The following INTS7 variants were observed in gnomAD, a reference collection of about 807,000 sequenced individuals.
INTS7 encodes the protein chromosome 1 open reading frame 73.
Under a neutral mutation model 109.2 loss-of-function variants are expected in INTS7, and 46 were observed. That is an observed-to-expected ratio of 0.42 (90% CI 0.33 to 0.54). INTS7 has a LOEUF of 0.54. INTS7 is among the 20% of genes least tolerant of loss of function. The pLI, the probability that INTS7 is intolerant of heterozygous loss-of-function variation, is 0.07. For synonymous variants in INTS7, 412 were observed against 402.9 expected, an observed-to-expected ratio of 1.02 and a Z score of -0.27; for missense variants, 929 against 1,132.4, an observed-to-expected ratio of 0.82 and a Z score of 2.58.
intron 9 of INTS7, 27 bp downstream of exon 9, chr1:211,982,649 C>A (rs775780226): frequency 2.0e-6 from 3 of 1,530,940 alleles, no homozygotes; most frequent in Non-Finnish European, 2.6e-6. Context: ...AAAGTTTATA[C>A]GTAATATCAG....
intron 7 of INTS7, among the ~76,000 whole-genome samples, chr1:212,001,327 A>G (rs1665662671): frequency 6.6e-6 from 1 of 152,160 alleles, no homozygotes; most frequent in Non-Finnish European, 1.5e-5. Context: ...CTGGGATTAC[A>G]GGCATGAGCC....
chr1:212,006,513 C>T (rs1571898277), intron 7 of INTS7, 126 bp downstream of exon 7: 1 of 399,848 alleles, frequency 2.5e-6, no homozygotes, highest in Non-Finnish European at 4.4e-6. Context: ...ATCAACAATG[C>T]TTTTAGAAGT....
In INTS7 at chr1:211,959,502, G is replaced by A. The variant is rs753858184; in HGVS notation, c.2184-6801C>T. Among the ~76,000 whole-genome samples the A allele has an allele frequency of 7.9e-5, 12 of 152,084 alleles. No individual in the cohort carries two copies. The highest frequency in any genetic ancestry group is 1.7e-4 in the African/African-American group (7 of 41,404). On this transcript the variant is annotated intron_variant, in intron 16 of 19. Transcript: ENST00000366994. The surrounding 1 kb of genome is among the most constrained non-coding windows in gnomAD (Gnocchi z 4.2). ...GGGCCGGCTCACCTGCTCCCTCCCC[G>A]TACTGGCAGCTTTCCCTGGGCCCAT...
At chr1:211,967,805 A>T (rs958345765) in intron 15 of INTS7, 73 bp downstream of exon 15, 5 of 749,354 alleles carry the variant, frequency 6.7e-6, no homozygotes, top group Non-Finnish European at 1.1e-5. Context: ...GTAGGTAAGC[A>T]TATCTGAGGT....
At chr1:212,035,139 G>C (rs1366598856) in intron 1 of INTS7, among the ~76,000 whole-genome samples, 1 of 152,170 alleles carries the variant, frequency 6.6e-6, no homozygotes, top group Non-Finnish European at 1.5e-5. Flanking sequence ...TTGTTTAGCC[G>C]GTATAAGGCC....
At chr1:211,945,028 A>C in intron 18 of INTS7, 59 bp from the exon 19 acceptor site, 1 of 1,527,132 alleles carries the variant, frequency 6.5e-7, no homozygotes, top group South Asian at 1.2e-5. Context: ...CTTCCGACAA[A>C]CATGTCTGTG....
chr1:211,963,332 T>C (rs997592687), intron 16 of INTS7, among the ~76,000 whole-genome samples: 4 of 151,866 alleles, frequency 2.6e-5, no homozygotes, highest in Non-Finnish European at 5.9e-5. Context: ...AGCTCTGAAA[T>C]TGAATCAGTA....
chr1:211,985,526 G>T (rs1382436357), intron 8 of INTS7, among the ~76,000 whole-genome samples: 11 of 151,906 alleles, frequency 7.2e-5, no homozygotes, highest in Admixed American at 3.9e-4. Context: ...TCAATAAAAG[G>T]ACAAATACCT....
chr1:212,006,656 T>C lies in INTS7; in HGVS notation c.862A>G (p.Ser288Gly). 1 of 1,560,310 alleles carries C rather than the reference T, an allele frequency of 6.4e-7. No individual in the cohort carries two copies. The highest frequency in any genetic ancestry group is 8.8e-7 in the Non-Finnish European group (1 of 1,134,868). ...LLANKTPHTW[S>G]RENIQALCEC... ...CTACATACCTGAATATTCTCCCTAC[T>C]CCAAGTATGTGGTGTTTTATTAGCA... The change falls in exon 7 of 20, where the codon AGT becomes GGT. Residue 288 changes from serine (S) to glycine (G), a missense_variant. Transcript: ENST00000366994.
At chr1:211,985,930 C>A (rs3010003) in intron 8 of INTS7, among the ~76,000 whole-genome samples, 83,053 of 152,072 alleles carry the variant, frequency 0.55, 22,987 homozygotes, top group Middle Eastern at 0.59. Context: ...AAAAAGAATA[C>A]ATTGAAAGCA....
intron 8 of INTS7, among the ~76,000 whole-genome samples, chr1:211,987,404 TAG>T (rs911970694): frequency 6.6e-6 from 1 of 152,188 alleles, no homozygotes; most frequent in African/African-American, 2.4e-5. Flanking sequence ...GAAAGCATTT[TAG>T]AGTTAATCAT....
Position 211,952,664 on chromosome 1 carries a change from C to T in INTS7, c.2221G>A (p.Asp741Asn). The T allele has an allele frequency of 6.2e-7, 1 of 1,612,932 alleles. No homozygotes were observed. The highest frequency in any genetic ancestry group is 8.5e-7 in the Non-Finnish European group (1 of 1,179,200). ...ATCATTCTTCTTTCATATTCACTATCAGCATGGGCTGTTCCAGTAGATCCA... is the reference window on the plus strand; with the variant it reads ...ATCATTCTTCTTTCATATTCACTATTAGCATGGGCTGTTCCAGTAGATCCA... ...EYGSTGTAHA[D>N]SEYERRMMSV... Residue 741 changes from aspartate to asparagine, a missense_variant, in exon 17 of 20, where the codon GAT becomes AAT. Transcript: ENST00000366994.
rs140176516 is a variant in INTS7 at position 212,017,200 on chromosome 1, T to C, written c.372-177A>G. Among the ~76,000 whole-genome samples the C allele has an allele frequency of 5.4e-3, 819 of 152,322 alleles. 4 individuals carry two copies. Among genetic ancestry groups the C allele is most frequent in the African/African-American group, 0.019 (776 of 41,562 alleles). On this transcript the variant is annotated intron_variant, in intron 3 of 19. Coordinates refer to ENST00000366994, the MANE Select transcript of INTS7 (RefSeq NM_015434.4). ...GACTCAAATTTTAAACGCTTTTACA[T>C]ATTTCAATATGTCAGAAAAATTAAA... is the stretch of plus-strand genomic sequence containing the variant.
intron 8 of INTS7, among the ~76,000 whole-genome samples, chr1:211,985,614 A>G (rs1664860754): frequency 6.6e-6 from 1 of 152,228 alleles, no homozygotes; most frequent in African/African-American, 2.4e-5. Context: ...AAAGAAAAAG[A>G]AAGTTATTGT....
At chr1:211,973,278 T>G (rs1323867464) in intron 13 of INTS7, among the ~76,000 whole-genome samples, 2 of 152,180 alleles carry the variant, frequency 1.3e-5, no homozygotes, top group Admixed American at 1.3e-4. Context: ...ACAGAAACTG[T>G]GAAATAATAA....
intron 7 of INTS7, among the ~76,000 whole-genome samples, chr1:211,999,585 A>C (rs183790746): frequency 1.6e-3 from 245 of 152,330 alleles, no homozygotes; most frequent in African/African-American, 5.7e-3. Flanking sequence ...AGTTTCTGTA[A>C]ATAAATTATA....
intron 1 of INTS7, among the ~76,000 whole-genome samples, chr1:212,021,943 C>T (rs1314745263): frequency 6.6e-6 from 1 of 152,088 alleles, no homozygotes; most frequent in African/African-American, 2.4e-5. Context: ...AAAGCACAAT[C>T]TATGGGATGC....
At chr1:211,980,316 C>A (rs772151557) in intron 10 of INTS7, among the ~76,000 whole-genome samples, 8 of 152,218 alleles carry the variant, frequency 5.3e-5, no homozygotes, top group Non-Finnish European at 1.2e-4. Context: ...GACAAGCTAA[C>A]GCCAATGTTT....
At chr1:211,953,536 G>A (rs1298490395) in intron 16 of INTS7, among the ~76,000 whole-genome samples, 3 of 136,280 alleles carry the variant, frequency 2.2e-5, no homozygotes, top group African/African-American at 8.3e-5. Flanking sequence ...ATCTCCTAAT[G>A]CTATCCCTCC....
Sources: gnomAD v4.1 joint callset for allele counts (sites outside exome capture counted in the v4.1 genomes callset) on GRCh38, gnomAD v4.1.1 for gene constraint, Gnocchi (gnomAD v3.1) non-coding constraint, MANE v1.5 for transcripts, NCBI Gene and HGNC (gene_info 2026-07-23, HGNC 2026-07-21) for gene names.